Variants in LRRC17 observed in about 807,000 individuals in gnomAD.
LRRC17 encodes the protein leucine-rich repeat-containing protein 17.
Under a neutral mutation model 41.5 loss-of-function variants are expected in LRRC17, and 33 were observed. The ratio of observed to expected loss-of-function variants is 0.80; its 90% CI spans 0.60 to 1.06. The LOEUF (loss-of-function observed/expected upper bound fraction) is 1.06, where lower values mean the gene tolerates loss of function less well. Among genes scored for constraint, LRRC17 ranks in the 50% least tolerant of loss-of-function variants. The pLI is 0.00. For synonymous variants in LRRC17, 192 were observed against 197.0 expected (o/e 0.97, Z 0.21); for missense variants, 491 against 519.3 (o/e 0.95, Z 0.53).
chr7:102,943,171 G>A (rs960332053), intron 3 of LRRC17, among the ~76,000 whole-genome samples: 4 of 152,086 alleles, frequency 2.6e-5, no homozygotes, highest in African/African-American at 7.2e-5. Flanking sequence ...CCCCAACACT[G>A]GGAAAAGGTT....
In LRRC17 at chr7:102,944,751, G is replaced by GC; in HGVS notation, c.*144_*145insC. On this transcript the variant is annotated 3_prime_UTR_variant, in exon 4 of 4. Transcript: ENST00000339431. ...GCTTTCTTTAATTATAAGTATTATT[G>GC]TGACTATTATAGTAATCAAGAGAAT... 5.5e-6 allele frequency: 4 copies of GC among 720,854 alleles called. No homozygotes were observed. Among genetic ancestry groups the GC allele is most frequent in the South Asian group, 2.0e-5 (1 of 49,304 alleles). 44.7% of individuals were successfully genotyped at this position (720,854 alleles called of 1,614,324 possible).
rs750849321 is a variant in LRRC17 at position 102,934,071 on chromosome 7, C to T, written c.158C>T (p.Pro53Leu). 6.8e-6 allele frequency: 11 copies of T among 1,614,154 alleles called. No individual in the cohort carries two copies. In the Admixed American group the frequency reaches 8.3e-5, roughly 12 times the overall value. The change falls in exon 2 of 4, where the codon CCG becomes CTG. Residue 53 changes from proline to leucine, a missense_variant. Coordinates refer to ENST00000339431, the MANE Select transcript of LRRC17 (RefSeq NM_001031692.3). ...GTCAAACGCTACGCACCAGGCCTCC[C>T]GTGTGACGTGTACACATATCTCCAT... ...NPVKRYAPGL[P>L]CDVYTYLHEK...
chr7:102,941,027 A>T (rs1469010766), intron 3 of LRRC17, among the ~76,000 whole-genome samples: 1 of 152,246 alleles, frequency 6.6e-6, no homozygotes, highest in Non-Finnish European at 1.5e-5. Flanking sequence ...TAGAATGAAC[A>T]TTCTGGAGCC....
intron 2 of LRRC17, among the ~76,000 whole-genome samples, chr7:102,938,440 T>C (rs1367945509): frequency 6.6e-6 from 1 of 152,226 alleles, no homozygotes; most frequent in Non-Finnish European, 1.5e-5. Context: ...ACAACCAATA[T>C]AGCCTGCTAA....
chr7:102,930,799 G>C (rs1819026986), intron 1 of LRRC17, among the ~76,000 whole-genome samples: 2 of 152,188 alleles, frequency 1.3e-5, no homozygotes, highest in Admixed American at 6.5e-5. Context: ...TGTTAATTAT[G>C]ACTTATACAT....
At position 102,924,645 on chromosome 7, in the gene LRRC17, T is replaced by TC. The variant is rs1314061895; in HGVS notation, c.-140-9129_-140-9128insC. Among the ~76,000 whole-genome samples the TC allele has an allele frequency of 7.2e-4, 106 of 148,246 alleles. 1 individual carries two copies. The highest frequency in any genetic ancestry group is 3.5e-3 in the Middle Eastern group (1 of 288). ...GAATTTTCTGTGTAAGCTTTTCTTT[T>TC]TTTTTTTTTTTTTTGAGATGGGGTC... On this transcript the variant is annotated intron_variant, in intron 1 of 3. Coordinates refer to ENST00000339431, the MANE Select transcript of LRRC17 (RefSeq NM_001031692.3).
At chr7:102,940,717 A>G (rs924544077) in intron 3 of LRRC17, among the ~76,000 whole-genome samples, 4 of 152,190 alleles carry the variant, frequency 2.6e-5, no homozygotes, top group African/African-American at 9.6e-5. Context: ...TCTCTTCTCC[A>G]TTTGCTAAGC....
rs1248552386 is a variant in LRRC17, at chr7:102,913,132, T to C, written c.-154T>C. On this transcript the variant is annotated 5_prime_UTR_variant, in exon 1 of 4. Transcript: ENST00000339431. ...CAGATAGATGAGCTTGTGGCATCCA[T>C]TCCCCAAGTTCAGGTACTGTAAGCC... 3 of 1,614,026 alleles carry C rather than the reference T, an allele frequency of 1.9e-6. No individual in the cohort carries two copies. Among genetic ancestry groups the C allele is most frequent in the Non-Finnish European group, 2.5e-6 (3 of 1,180,024 alleles).
intron 1 of LRRC17, among the ~76,000 whole-genome samples, chr7:102,914,101 GC>G (rs1304932036): frequency 1.3e-5 from 2 of 152,052 alleles, no homozygotes; most frequent in Admixed American, 6.5e-5. Flanking sequence ...CGCTCTTGTT[GC>G]CCAGCTGGAG....
intron 1 of LRRC17, among the ~76,000 whole-genome samples, chr7:102,917,895 C>T (rs1410454235): frequency 6.6e-6 from 1 of 152,098 alleles, no homozygotes; most frequent in Non-Finnish European, 1.5e-5. Flanking sequence ...TTAGAGGCAA[C>T]AAATTTCCTG....
chr7:102,939,894 GTTTTTTT>G (rs199710203), intron 3 of LRRC17, among the ~76,000 whole-genome samples: 1 of 148,222 alleles, frequency 6.7e-6, no homozygotes, highest in Non-Finnish European at 1.5e-5. Context: ...AAATGTAGTG[GTTTTTTT>G]TTTGTTTTTT....
At chr7:102,925,770 C>A (rs991085520) in intron 1 of LRRC17, among the ~76,000 whole-genome samples, 1 of 151,916 alleles carries the variant, frequency 6.6e-6, no homozygotes, top group African/African-American at 2.4e-5. Flanking sequence ...GGAGAAACCC[C>A]ATCTCTACTA....
chr7:102,929,198 G>T (rs1037270688), intron 1 of LRRC17, among the ~76,000 whole-genome samples: 7 of 152,136 alleles, frequency 4.6e-5, no homozygotes, highest in African/African-American at 1.7e-4. Context: ...GTTTTGAAAA[G>T]ATGTTTTACT....
chr7:102,942,366 G>T, intron 3 of LRRC17: 1 of 1,531,522 alleles, frequency 6.5e-7, no homozygotes, highest in Non-Finnish European at 8.8e-7. Context: ...TGCAGTGGGA[G>T]TTGCCAGACT....
intron 3 of LRRC17, among the ~76,000 whole-genome samples, chr7:102,942,980 G>A (rs1027058486): frequency 6.7e-6 from 1 of 148,576 alleles, no homozygotes; most frequent in African/African-American, 2.5e-5. Context: ...TGCTCTTAGA[G>A]GGTGAAAAAA....
intron 1 of LRRC17, among the ~76,000 whole-genome samples, chr7:102,932,099 T>G (rs1034204786): frequency 3.3e-5 from 5 of 152,180 alleles, no homozygotes; most frequent in African/African-American, 1.2e-4. Context: ...ATGGCTTTTT[T>G]GGGCTTCAGA....
intron 1 of LRRC17, chr7:102,932,048 A>C: frequency 1.1e-6 from 1 of 943,070 alleles, no homozygotes; most frequent in Non-Finnish European, 1.6e-6. Flanking sequence ...AAACCTTGGC[A>C]AGTAACATGT....
chr7:102,940,505 T>TG (rs1261799648), intron 3 of LRRC17, among the ~76,000 whole-genome samples: 1 of 152,196 alleles, frequency 6.6e-6, no homozygotes, highest in African/African-American at 2.4e-5. Context: ...CCACCATGCC[T>TG]GGCCTAAATG....
chr7:102,919,103 C>T (rs1206717869), intron 1 of LRRC17, among the ~76,000 whole-genome samples: 2 of 152,132 alleles, frequency 1.3e-5, no homozygotes, highest in African/African-American at 4.8e-5. Context: ...GCATCTCTTC[C>T]CAACTCCACA....
Sources: gnomAD v4.1 joint callset for allele counts (sites outside exome capture counted in the v4.1 genomes callset) on GRCh38, gnomAD v4.1.1 for gene constraint, MANE v1.5 for transcripts, NCBI Gene and HGNC (gene_info 2026-07-23, HGNC 2026-07-21) for gene names.